SPG7: variants seen among roughly 807,000 people sequenced by gnomAD.
SPG7 encodes the protein SPG7 matrix AAA peptidase subunit, paraplegin, also known as mitochondrial inner membrane m-AAA protease component paraplegin.
SPG7 carries 103 observed loss-of-function variants against 81.9 expected under a neutral mutation model. That is an observed-to-expected ratio of 1.26 (90% CI 1.07 to 1.48). The LOEUF is 1.48. Among genes scored for constraint, SPG7 ranks in the 40% most tolerant of loss-of-function variants. SPG7 has a pLI of 0.00. For missense variants in SPG7, 1,241 were observed against 1,087.3 expected, an observed-to-expected ratio of 1.14 and a Z score of -1.99; for synonymous variants, 534 against 444.2, an observed-to-expected ratio of 1.20 and a Z score of -2.54.
chr16:89,512,857 G>T, intron 2 of SPG7, 91 bp from the exon 3 acceptor site: 1 of 1,430,220 alleles, frequency 7.0e-7, no homozygotes, highest in Non-Finnish European at 9.8e-7. Flanking sequence ...TTTTTGTTTT[G>T]CTTTGGTTAT....
Position 89,553,823 on chromosome 16 carries a change from C to G in SPG7, c.1966C>G (p.Arg656Gly), listed in dbSNP as rs536084933. 6.2e-7 allele frequency: 1 copy of G among 1,613,546 alleles called. No individual in the cohort carries two copies. Among genetic ancestry groups the G allele is most frequent in the African/African-American group, 1.3e-5 (1 of 75,074 alleles). Residue 656 changes from arginine (R) to glycine (G), a missense_variant, in exon 15 of 17, where the codon CGC becomes GGC. By Grantham distance (125) the Arg-to-Gly change is moderately radical (BLOSUM62 -2). Transcript: ENST00000645818. Reference protein sequence around the residue: ...GAQDDLRKVTRIAYSMVKQFG... With the variant: ...GAQDDLRKVTGIAYSMVKQFG... ...ACAGGACGACCTGAGGAAGGTCACCCGCATCGCCTACTCCATGGTGAAGCA... is the reference window on the plus strand; with the variant it reads ...ACAGGACGACCTGAGGAAGGTCACCGGCATCGCCTACTCCATGGTGAAGCA...
At chr16:89,526,578 G>C (rs564990555) in intron 5 of SPG7, 110 bp downstream of exon 5, 2,001 of 1,180,196 alleles carry the variant, frequency 1.7e-3, no homozygotes, top group Non-Finnish European at 2.0e-3. Context: ...TAGTTAACTA[G>C]ACTTTTTAGT....
rs1201137801 is a variant in SPG7 at position 89,553,900 on chromosome 16, G to A, written c.2043G>A (p.Glu681=). The A allele has an allele frequency of 2.5e-6, 4 of 1,612,996 alleles. No individual in the cohort carries two copies. Among genetic ancestry groups the A allele is most frequent in the African/African-American group, 2.7e-5 (2 of 74,956 alleles). The change falls in exon 15 of 17, where the codon GAG becomes GAA. Residue 681 remains glutamate (E), a synonymous_variant. Coordinates refer to ENST00000645818, the MANE Select transcript of SPG7 (RefSeq NM_003119.4). Reference sequence around the variant, plus strand: ...CCATCTCCTTCCCTGAGGCGCAGGAGGGCCTCATGGGCATCGGGCGGCGCC... The same window carrying A: ...CCATCTCCTTCCCTGAGGCGCAGGAAGGCCTCATGGGCATCGGGCGGCGCC... ...IGPISFPEAQ[E]GLMGIGRRPF... is the part of the protein sequence containing the mutation.
At chr16:89,540,879 A>C in intron 9 of SPG7, 1 of 983,828 alleles carries the variant, frequency 1.0e-6, no homozygotes, top group Non-Finnish European at 1.2e-6. Context: ...TAATAGCTAA[A>C]AACTGGAAGT....
chr16:89,551,451 T>C (rs1375458233), intron 13 of SPG7: 3 of 153,568 alleles, frequency 2.0e-5, no homozygotes, highest in African/African-American at 7.2e-5. Flanking sequence ...TCAGCAGGGC[T>C]GAGGCAGCGT....
chr16:89,553,962 T>C lies in SPG7; in HGVS notation c.2103+2T>C. On this transcript the variant is annotated splice_donor_variant, in intron 15 of 16. Transcript: ENST00000645818. LOFTEE classifies it high-confidence loss of function. ...GGCCTGCAGCAGATGATGGACCATG[T>C]GAGTCGGCTCTGGCCACACCGCTGC... 6.2e-7 allele frequency: 1 copy of C among 1,610,638 alleles called. No homozygotes were observed. Among genetic ancestry groups the C allele is most frequent in the African/African-American group, 1.3e-5 (1 of 74,996 alleles).
intron 5 of SPG7, chr16:89,526,766 G>C (rs528048709): frequency 2.6e-6 from 1 of 381,716 alleles, no homozygotes; most frequent in African/African-American, 2.1e-5. Flanking sequence ...AGATGCCGAA[G>C]TCTCAGCCCC....
Position 89,548,020 on chromosome 16 carries a change from A to G in SPG7, c.1570A>G (p.Ile524Val). 6.2e-7 allele frequency: 1 copy of G among 1,612,926 alleles called. No individual in the cohort carries two copies. Among genetic ancestry groups the G allele is most frequent in the Non-Finnish European group, 8.5e-7 (1 of 1,179,886 alleles). Residue 524 changes from isoleucine to valine, a missense_variant, in exon 12 of 17, where the codon ATC (isoleucine) becomes GTC (valine). Coordinates refer to ENST00000645818, the MANE Select transcript of SPG7 (RefSeq NM_003119.4). ...PGFSGADIANICNEAALHAAR... is the reference protein window; with the variant it reads ...PGFSGADIANVCNEAALHAAR... The stretch of plus-strand genomic sequence containing the variant: ...GTTGACAGGGGCTGACATCGCCAAC[A>G]TCTGCAATGAGGCTGCGCTGCACGC...
In SPG7 at chr16:89,548,067, C is replaced by G. The variant is rs550161942; in HGVS notation, c.1617C>G (p.Ser539=). 1.2e-6 allele frequency: 2 copies of G among 1,610,644 alleles called. No homozygotes were observed. The highest frequency in any genetic ancestry group is 2.7e-5 in the African/African-American group (2 of 75,066). Residue 539 remains serine, a synonymous_variant, in exon 12 of 17, where the codon TCC becomes TCG. Coordinates refer to ENST00000645818, the MANE Select transcript of SPG7 (RefSeq NM_003119.4). ...ACGCGGCGCGGGAGGGACACACTTC[C>G]GTGCACACTCTCAACTTCGAGTACG... is the stretch of plus-strand genomic sequence containing the variant. The part of the protein sequence containing the change: ...ALHAAREGHT[S]VHTLNFEYAV...
At chr16:89,520,452 AGTG>A (rs969763822) in intron 3 of SPG7, 5 of 172,438 alleles carry the variant, frequency 2.9e-5, no homozygotes, top group African/African-American at 1.2e-4. Context: ...GCAGGAGTGA[AGTG>A]GCGCGATCTC....
intron 2 of SPG7, among the ~76,000 whole-genome samples, chr16:89,512,472 C>T (rs559048939): frequency 9.2e-5 from 14 of 152,182 alleles, no homozygotes; most frequent in Admixed American, 8.5e-4. Context: ...GCCAACACGT[C>T]CGGCTAATTT....
chr16:89,550,778 A>G (rs1056847075), intron 13 of SPG7, among the ~76,000 whole-genome samples, 169 bp downstream of exon 13: 16 of 152,162 alleles, frequency 1.1e-4, no homozygotes, highest in African/African-American at 3.6e-4. Flanking sequence ...GTCATGATCC[A>G]TGGAGCAGGG....
chr16:89,552,925 C>T, intron 13 of SPG7, 54 bp from the exon 14 acceptor site: 2 of 1,592,178 alleles, frequency 1.3e-6, no homozygotes, highest in South Asian at 2.2e-5. Context: ...CACCTTCCTC[C>T]TCAAAGCCCA....
chr16:89,543,228 TGA>T (rs2058520551), intron 9 of SPG7: 1 of 151,914 alleles, frequency 6.6e-6, no homozygotes, highest in Non-Finnish European at 1.5e-5. Flanking sequence ...ATTACAGGCG[TGA>T]GCCACCGCGC....
intron 1 of SPG7, among the ~76,000 whole-genome samples, chr16:89,509,746 A>G (rs1344074761): frequency 6.7e-6 from 1 of 148,772 alleles, no homozygotes; most frequent in Non-Finnish European, 1.5e-5. Flanking sequence ...GCTTCAGGCC[A>G]TGGGATAGCA....
intron 6 of SPG7, 110 bp from the exon 7 acceptor site, chr16:89,530,573 G>C (rs2058327578): frequency 1.6e-5 from 20 of 1,236,732 alleles, no homozygotes; most frequent in Non-Finnish European, 2.3e-5. Flanking sequence ...TGGGATCCTA[G>C]GATGGAGACG....
intron 10 of SPG7, chr16:89,545,694 G>C (rs1420413661): frequency 3.7e-6 from 1 of 269,942 alleles, no homozygotes; most frequent in African/African-American, 2.3e-5. Context: ...TCCAGGGGAG[G>C]GCGGCTCCTG....
At chr16:89,550,146 G>C (rs1157080771) in intron 12 of SPG7, 2 of 354,458 alleles carry the variant, frequency 5.6e-6, no homozygotes, top group Non-Finnish European at 1.1e-5. Context: ...GGGAGAGGCC[G>C]GGGTCTCAGC....
rs1384987806 is a variant in SPG7, at chr16:89,550,620, G to A, written c.1779+11G>A. On this transcript the variant is annotated intron_variant, in intron 13 of 16. Coordinates refer to ENST00000645818, the MANE Select transcript of SPG7 (RefSeq NM_003119.4). ...GAGGCCGTGATGAAGGTGGGTCTTG[G>A]CAGGTGCCGGCTCCACGGGCCTTGG... The A allele has an allele frequency of 6.3e-7, 1 of 1,593,292 alleles. No homozygotes were observed. The highest frequency in any genetic ancestry group is 1.1e-5 in the South Asian group (1 of 90,748).
Sources: gnomAD v4.1 joint callset for allele counts (sites outside exome capture counted in the v4.1 genomes callset) on GRCh38, gnomAD v4.1.1 for gene constraint, MANE v1.5 for transcripts, NCBI Gene and HGNC (gene_info 2026-07-23, HGNC 2026-07-21) for gene names.